HS6ST2: variants seen among roughly 807,000 people sequenced by gnomAD.
HS6ST2 encodes the protein heparan sulfate 6-O-sulfotransferase 2, also known as heparan-sulfate 6-O-sulfotransferase 2.
In HS6ST2, 17 loss-of-function variants were observed where a neutral mutation model predicts 33.0. The ratio of observed to expected loss-of-function variants is 0.52; its 90% CI spans 0.35 to 0.77. The LOEUF (loss-of-function observed/expected upper bound fraction) is 0.77, where lower values mean the gene tolerates loss of function less well. Ranked by LOEUF, HS6ST2 falls within the 30% of genes least tolerant of loss-of-function variation. The pLI, the probability that HS6ST2 is intolerant of heterozygous loss-of-function variation, is 0.01. For synonymous variants in HS6ST2, 248 were observed against 237.1 expected (o/e 1.05, Z -0.42); for missense variants, 519 against 551.7 (o/e 0.94, Z 0.59).
chrX:132,756,475 A>C, intron 2 of HS6ST2, among the ~76,000 whole-genome samples: 1 of 110,786 alleles, frequency 9.0e-6, no homozygotes, highest in Non-Finnish European at 1.9e-5. Context: ...TTTGCCCTGA[A>C]GGCTCGCTCT....
At chrX:132,669,313 C>A (rs1203977867) in intron 3 of HS6ST2, 114 bp from the exon 4 acceptor site, 6 of 465,225 alleles carry the variant, frequency 1.3e-5, no homozygotes, top group Admixed American at 9.0e-5. Flanking sequence ...CCCCCCACCA[C>A]CCCCTGGCCA....
At chrX:132,854,028 T>G (rs1347103963) in intron 2 of HS6ST2, among the ~76,000 whole-genome samples, 1 of 110,456 alleles carries the variant, frequency 9.1e-6, no homozygotes, top group East Asian at 2.9e-4. Flanking sequence ...AGTGAGACCC[T>G]GTCTCAAAAT....
chrX:132,785,837 C>G (rs1025847929), intron 2 of HS6ST2, among the ~76,000 whole-genome samples: 1 of 111,662 alleles, frequency 9.0e-6, no homozygotes, highest in Non-Finnish European at 1.9e-5. Flanking sequence ...TTATTTACAA[C>G]CAACTGAGGG....
At chrX:132,687,508 G>A (rs980496729) in intron 3 of HS6ST2, among the ~76,000 whole-genome samples, 8 of 110,584 alleles carry the variant, frequency 7.2e-5, no homozygotes, top group Non-Finnish European at 3.8e-5. Context: ...AGCCGCTGGG[G>A]GAGGGGAGAG....
chrX:132,855,718 C>A (rs2065847252), intron 2 of HS6ST2, among the ~76,000 whole-genome samples: 1 of 112,194 alleles, frequency 8.9e-6, no homozygotes, highest in South Asian at 3.7e-4. Flanking sequence ...CTACTCCCTA[C>A]ATTGGCATGG....
chrX:132,786,184 T>C (rs901162468), intron 2 of HS6ST2, among the ~76,000 whole-genome samples: 1 of 111,882 alleles, frequency 8.9e-6, no homozygotes, highest in Admixed American at 9.5e-5. Flanking sequence ...TATCAGTACT[T>C]TGTAGCTATA....
At chrX:132,831,865 T>G (rs1379411115) in intron 2 of HS6ST2, among the ~76,000 whole-genome samples, 2 of 112,223 alleles carry the variant, frequency 1.8e-5, no homozygotes, top group Non-Finnish European at 3.8e-5. Flanking sequence ...GCAATTATGC[T>G]GAGAAGGATC....
chrX:132,669,347 CT>C (rs1435549351), intron 3 of HS6ST2, 148 bp from the exon 4 acceptor site: 19 of 377,283 alleles, frequency 5.0e-5, no homozygotes, highest in South Asian at 3.2e-4. Flanking sequence ...TCTCTCTCTC[CT>C]GTCAAAGTAT....
At chrX:132,955,935 T>A (rs908825688) in intron 2 of HS6ST2, among the ~76,000 whole-genome samples, 12 of 112,704 alleles carry the variant, frequency 1.1e-4, no homozygotes, top group African/African-American at 3.9e-4. Flanking sequence ...TTTTTAAATA[T>A]TTTTTGTAAA....
At chrX:132,632,233 C>A (rs1228712495) in intron 4 of HS6ST2, among the ~76,000 whole-genome samples, 1 of 110,896 alleles carries the variant, frequency 9.0e-6, no homozygotes, top group African/African-American at 3.3e-5. Context: ...TCTTCCAGGG[C>A]AAATAGCCTT....
intron 3 of HS6ST2, among the ~76,000 whole-genome samples, chrX:132,691,930 G>A (rs2064067950): frequency 8.9e-6 from 1 of 112,117 alleles, no homozygotes; most frequent in Admixed American, 9.4e-5. Context: ...GCTGGCAGGT[G>A]TTACCCTCTG....
intron 2 of HS6ST2, among the ~76,000 whole-genome samples, chrX:132,869,446 T>C (rs111622650): frequency 1.9e-4 from 21 of 111,608 alleles, no homozygotes; most frequent in Non-Finnish European, 4.0e-4. Context: ...TACCAAAACC[T>C]GGCAGAGACA....
Position 132,738,605 on chromosome X carries a change from T to C in HS6ST2, c.948-30111A>G, listed in dbSNP as rs149381550. ...GATATTGTAGAGCAAATAACTATCT[T>C]ATACTGGCTATTTTATGCCTTATTG... On this transcript the variant is annotated intron_variant, in intron 2 of 4. Transcript: ENST00000370833. Among the ~76,000 whole-genome samples, 34 of 112,788 alleles carry C rather than the reference T, an allele frequency of 3.0e-4. 1 individual carries two copies. The East Asian group carries it at 9.5e-3, about 31-fold the overall frequency.
chrX:132,695,688 T>C (rs143257821), intron 3 of HS6ST2, among the ~76,000 whole-genome samples: 58 of 112,103 alleles, frequency 5.2e-4, no homozygotes, highest in African/African-American at 1.7e-3. Flanking sequence ...CTCACTTGAG[T>C]GCATTGTTAG....
At chrX:132,810,586 G>T (rs1283644349) in intron 2 of HS6ST2, among the ~76,000 whole-genome samples, 5 of 111,019 alleles carry the variant, frequency 4.5e-5, no homozygotes, top group African/African-American at 1.6e-4. Flanking sequence ...CCTTGCTATT[G>T]CCCTCTTTGT....
At chrX:132,647,892 A>C (rs2148178287) in intron 4 of HS6ST2, among the ~76,000 whole-genome samples, 1 of 112,371 alleles carries the variant, frequency 8.9e-6, no homozygotes, top group Admixed American at 9.4e-5. Context: ...TGAGCTCTGC[A>C]GCCATTCTGT....
chrX:132,706,254 T>C (rs1019635635), intron 3 of HS6ST2, among the ~76,000 whole-genome samples: 2 of 111,882 alleles, frequency 1.8e-5, no homozygotes, highest in African/African-American at 6.5e-5. Flanking sequence ...ATATGAAATA[T>C]GTAGTAGAAT....
chrX:132,890,495 T>C (rs1366909288), intron 2 of HS6ST2, among the ~76,000 whole-genome samples: 1 of 108,309 alleles, frequency 9.2e-6, no homozygotes, highest in Non-Finnish European at 1.9e-5. Context: ...GTTTTAAAGG[T>C]AGGCTTCTAT....
chrX:132,664,203 G>A (rs1370434727), intron 4 of HS6ST2, among the ~76,000 whole-genome samples: 1 of 111,375 alleles, frequency 9.0e-6, no homozygotes, highest in Admixed American at 9.5e-5. Flanking sequence ...TAGAGATGGG[G>A]TTTCACTGTG....
Sources: gnomAD v4.1 joint callset for allele counts (sites outside exome capture counted in the v4.1 genomes callset) on GRCh38, gnomAD v4.1.1 for gene constraint, MANE v1.5 for transcripts, NCBI Gene and HGNC (gene_info 2026-07-23, HGNC 2026-07-21) for gene names.